The following PDE1C variants were observed in gnomAD, a reference collection of about 807,000 sequenced individuals.
PDE1C encodes the protein dual specificity calcium/calmodulin-dependent 3',5'-cyclic nucleotide phosphodiesterase 1C.
PDE1C carries 62 observed loss-of-function variants against 93.1 expected under a neutral mutation model. The ratio of observed to expected loss-of-function variants is 0.67; its 90% confidence interval spans 0.54 to 0.82. PDE1C has a LOEUF of 0.82. Among genes scored for constraint, PDE1C ranks in the 40% least tolerant of loss-of-function variants. PDE1C has a pLI of 0.00. For missense variants in PDE1C, 742 were observed against 884.6 expected (o/e 0.84, Z 2.04); for synonymous variants, 325 against 310.1 (o/e 1.05, Z -0.50).
chr7:31,796,837 T>C (rs1785366566), intron 16 of PDE1C, among the ~76,000 whole-genome samples: 2 of 151,766 alleles, frequency 1.3e-5, no homozygotes, highest in South Asian at 4.1e-4. Context: ...AAAATGACAG[T>C]GAAGTATCTA....
At chr7:31,823,746 T>C (rs1364422033) in intron 13 of PDE1C, among the ~76,000 whole-genome samples, 1 of 152,106 alleles carries the variant, frequency 6.6e-6, no homozygotes, top group Non-Finnish European at 1.5e-5. Context: ...TTTCCTTAAG[T>C]TGCTGGAAGA....
At chr7:31,673,764 T>A in the PDE1C span, among the ~76,000 whole-genome samples, 1 of 152,050 alleles carries the variant, frequency 6.6e-6, no homozygotes, top group Non-Finnish European at 1.5e-5. Context: ...CATCACTGAT[T>A]GGTAAACATA....
chr7:31,694,384 T>TTAAACACACACACACA, the PDE1C span, among the ~76,000 whole-genome samples: 1 of 98,416 alleles, frequency 1.0e-5, no homozygotes, highest in African/African-American at 4.4e-5. Flanking sequence ...TCTCTCTCTC[T>TTAAACACACACACACA]CAAACACACA....
upstream of PDE1C, among the ~76,000 whole-genome samples, chr7:32,302,106 C>T (rs964596893): frequency 6.6e-6 from 1 of 152,146 alleles, no homozygotes; most frequent in East Asian, 1.9e-4. Context: ...ACCATATGGC[C>T]TGCAAAGCCA....
In PDE1C at chr7:32,343,257, G is replaced by T. The variant is rs529703588; in HGVS notation, c.310+84565C>A. ...GGATGTTTTCTCTTTACATTTAAAC[G>T]TCAAATTTTGACAAAGTAGGACACC... On this transcript the variant is annotated intron_variant, in intron 1 of 1. Transcript: ENST00000672256. Among the ~76,000 whole-genome samples the T allele has an allele frequency of 3.3e-5, 5 of 152,288 alleles. No homozygotes were observed. In the South Asian group the frequency reaches 6.2e-4, roughly 19 times the overall value.
chr7:32,360,617 C>T (rs1453802134), intron 1 of PDE1C, among the ~76,000 whole-genome samples: 2 of 152,142 alleles, frequency 1.3e-5, no homozygotes, highest in African/African-American at 4.8e-5. Context: ...GCTCCACTCT[C>T]AAAAGGGACC....
the PDE1C span, among the ~76,000 whole-genome samples, chr7:31,645,206 A>G: frequency 6.6e-6 from 1 of 152,226 alleles, no homozygotes; most frequent in Non-Finnish European, 1.5e-5. Flanking sequence ...TAAAATATCT[A>G]AATCTATGTA....
At chr7:31,915,515 T>C (rs1801770999) in intron 2 of PDE1C, among the ~76,000 whole-genome samples, 3 of 152,208 alleles carry the variant, frequency 2.0e-5, no homozygotes, top group Admixed American at 2.0e-4. Context: ...TACTTAAGCA[T>C]TTTTCTGTAT....
intron 1 of PDE1C, among the ~76,000 whole-genome samples, chr7:32,374,179 A>AAAGAAGAAAGAAAGAAAG (rs146817206): frequency 1.6e-4 from 5 of 31,174 alleles, no homozygotes; most frequent in African/African-American, 3.1e-4. Flanking sequence ...AGAAAGAAAG[A>AAAGAAGAAAGAAAGAAAG]AAGAAAGAAA....
intron 1 of PDE1C, among the ~76,000 whole-genome samples, chr7:32,334,894 T>C (rs1010842796): frequency 2.6e-5 from 4 of 152,144 alleles, no homozygotes; most frequent in Non-Finnish European, 5.9e-5. Context: ...GTTTTGTCTT[T>C]CAAATTTTAC....
At chr7:31,969,731 T>C (rs1263424479) in intron 2 of PDE1C, among the ~76,000 whole-genome samples, 4 of 152,144 alleles carry the variant, frequency 2.6e-5, no homozygotes, top group Admixed American at 2.6e-4. Flanking sequence ...AGCAAAGACT[T>C]GGAACCAACC....
At chr7:31,628,459 T>G in the PDE1C span, among the ~76,000 whole-genome samples, 1 of 147,542 alleles carries the variant, frequency 6.8e-6, no homozygotes, top group Non-Finnish European at 1.5e-5. Flanking sequence ...TTTTTTTTTT[T>G]TCTTTTTTTT....
At chr7:31,642,060 C>G in the PDE1C span, 2 of 561,478 alleles carry the variant, frequency 3.6e-6, no homozygotes, top group African/African-American at 3.8e-5. Flanking sequence ...TTTTCTTCCA[C>G]ACAGTGGGCA....
At chr7:31,693,134 C>A in the PDE1C span, among the ~76,000 whole-genome samples, 1 of 152,010 alleles carries the variant, frequency 6.6e-6, no homozygotes, top group African/African-American at 2.4e-5. Flanking sequence ...GGTTATGACT[C>A]CCCCCTCCTC....
chr7:32,414,544 G>T (rs1300974996), intron 1 of PDE1C, among the ~76,000 whole-genome samples: 1 of 152,124 alleles, frequency 6.6e-6, no homozygotes, highest in Non-Finnish European at 1.5e-5. Flanking sequence ...CAACAAGCAT[G>T]CTTTTTTAAA....
At chr7:32,195,630 T>C (rs944561388) in intron 2 of PDE1C, among the ~76,000 whole-genome samples, 10 of 152,130 alleles carry the variant, frequency 6.6e-5, no homozygotes, top group East Asian at 3.9e-4. Context: ...GGCAGGAGGA[T>C]TGCTCGAGCG....
chr7:32,105,865 G>C (rs568924496), intron 3 of PDE1C, among the ~76,000 whole-genome samples: 1 of 151,966 alleles, frequency 6.6e-6, no homozygotes, highest in Non-Finnish European at 1.5e-5. Context: ...CAGTCCAAGA[G>C]AAAAGTCCAA....
chr7:32,039,810 A>C (rs897618071), intron 2 of PDE1C, among the ~76,000 whole-genome samples: 1 of 152,198 alleles, frequency 6.6e-6, no homozygotes, highest in Non-Finnish European at 1.5e-5. Context: ...TTCCCAGTAA[A>C]TATATTTTGT....
At chr7:32,256,639 C>G (rs905011259) in intron 1 of PDE1C, among the ~76,000 whole-genome samples, 1 of 152,314 alleles carries the variant, frequency 6.6e-6, no homozygotes, top group African/African-American at 2.4e-5. Flanking sequence ...CAGGTTCCCC[C>G]ACCCTGCTGT....
Sources: allele counts gnomAD v4.1 joint callset (sites outside exome capture counted in the v4.1 genomes callset), GRCh38; gene constraint gnomAD v4.1.1; transcripts MANE v1.5; gene names NCBI Gene and HGNC (gene_info 2026-07-23, HGNC 2026-07-21).